GNB4: variants seen among roughly 807,000 people sequenced by gnomAD.
GNB4 encodes guanine nucleotide-binding protein subunit beta-4.
GNB4 carries 28 observed loss-of-function variants against 45.2 expected under a neutral mutation model. That is an observed-to-expected ratio of 0.62 (90% confidence interval 0.46 to 0.85). GNB4 has a LOEUF of 0.85. Ranked by LOEUF, GNB4 falls within the 40% of genes least tolerant of loss-of-function variation. The pLI is 0.00. For missense variants in GNB4, 321 were observed against 425.4 expected, an observed-to-expected ratio of 0.75 and a Z score of 2.16; for synonymous variants, 132 against 143.7, an observed-to-expected ratio of 0.92 and a Z score of 0.58.
intron 1 of GNB4, among the ~76,000 whole-genome samples, chr3:179,428,444 G>A (rs1034624402): frequency 1.3e-5 from 2 of 152,088 alleles, no homozygotes; most frequent in African/African-American, 4.8e-5. Flanking sequence ...AGCAGCATGC[G>A]GGCTCTTTAA....
intron 2 of GNB4, among the ~76,000 whole-genome samples, chr3:179,422,490 A>AC (rs200181061): frequency 1.4e-3 from 208 of 151,884 alleles, no homozygotes; most frequent in African/African-American, 4.5e-3. Flanking sequence ...ACAAAACAAA[A>AC]AAAAGAACAG....
chr3:179,494,439 G>A, the GNB4 span, among the ~76,000 whole-genome samples: 1 of 152,034 alleles, frequency 6.6e-6, no homozygotes, highest in African/African-American at 2.4e-5. Flanking sequence ...TCAGGAGTAT[G>A]GGGTGGGAGG....
chr3:179,452,171 A>C (rs139983745), upstream of GNB4, among the ~76,000 whole-genome samples: 927 of 151,532 alleles, frequency 6.1e-3, 10 homozygotes, highest in African/African-American at 0.021. Flanking sequence ...ATCCCTGCCA[A>C]GTCGCTCTTC....
the GNB4 span, among the ~76,000 whole-genome samples, chr3:179,488,766 T>C: frequency 6.6e-6 from 1 of 151,618 alleles, no homozygotes; most frequent in Non-Finnish European, 1.5e-5. Flanking sequence ...CCAGATCGCT[T>C]GAGCTCAGGA....
chr3:179,473,441 T>G, the GNB4 span, among the ~76,000 whole-genome samples: 2 of 152,066 alleles, frequency 1.3e-5, no homozygotes, highest in Non-Finnish European at 2.9e-5. Flanking sequence ...TATTTTTATT[T>G]AATTTTTTTT....
At chr3:179,405,723 ATG>A (rs71836194) in intron 8 of GNB4, 145 of 182,820 alleles carry the variant, frequency 7.9e-4, no homozygotes, top group East Asian at 1.5e-3. Flanking sequence ...TAGAATATAT[ATG>A]TGTGTGTGTG....
intron 1 of GNB4, among the ~76,000 whole-genome samples, chr3:179,436,350 AT>A (rs1715449157): frequency 6.6e-6 from 1 of 152,214 alleles, no homozygotes; most frequent in South Asian, 2.1e-4. Context: ...AGATCATGCC[AT>A]TGCACTCCCG....
the GNB4 span, among the ~76,000 whole-genome samples, chr3:179,509,135 A>G: frequency 6.7e-6 from 1 of 150,170 alleles, no homozygotes; most frequent in African/African-American, 2.5e-5. Flanking sequence ...CCTTGGAGAA[A>G]TGGAGGATTC....
the GNB4 span, among the ~76,000 whole-genome samples, chr3:179,495,234 G>T: frequency 6.6e-6 from 1 of 152,122 alleles, no homozygotes; most frequent in African/African-American, 2.4e-5. Flanking sequence ...AGGAAAAAAA[G>T]AGAGGCTGAG....
chr3:179,401,392 A>AGCATCAGTTTCC, intron 9 of GNB4, 73 bp from the exon 10 acceptor site: 1 of 792,816 alleles, frequency 1.3e-6, no homozygotes, highest in Admixed American at 2.6e-5. Context: ...CAGAGATTTA[A>AGCATCAGTTTCC]AAGGGTGCTT....
the GNB4 span, among the ~76,000 whole-genome samples, chr3:179,489,926 C>T: frequency 6.6e-6 from 1 of 152,158 alleles, no homozygotes; most frequent in South Asian, 2.1e-4. Context: ...TATAATGTAT[C>T]AAGATACATC....
At position 179,431,484 on chromosome 3, in the gene GNB4, A is replaced by C. The variant is rs537347698; in HGVS notation, c.-42-5242T>G. Among the ~76,000 whole-genome samples, 40 of 150,794 alleles carry C rather than the reference A, an allele frequency of 2.7e-4. 1 individual carries two copies. The highest frequency in any genetic ancestry group is 8.5e-4 in the African/African-American group (35 of 41,092). ...TGAGGCAGGAGAATCGCTTGAACCC[A>C]GGATGCAGAGGCTGCAGTGAGCTGA... is the stretch of plus-strand genomic sequence containing the variant. On this transcript the variant is annotated intron_variant, in intron 1 of 9. Coordinates refer to ENST00000232564, the MANE Select transcript of GNB4 (RefSeq NM_021629.4).
chr3:179,404,401 G>C (rs77729724), intron 9 of GNB4, among the ~76,000 whole-genome samples: 1 of 151,982 alleles, frequency 6.6e-6, no homozygotes, highest in Non-Finnish European at 1.5e-5. Context: ...AGCAATACAG[G>C]CATGTTATTT....
the GNB4 span, among the ~76,000 whole-genome samples, chr3:179,479,608 C>A: frequency 2.0e-5 from 3 of 152,178 alleles, no homozygotes; most frequent in Admixed American, 6.5e-5. Context: ...TACACACACA[C>A]ACAGTCATTT....
the GNB4 span, among the ~76,000 whole-genome samples, chr3:179,497,640 C>T: frequency 6.6e-6 from 1 of 151,808 alleles, no homozygotes; most frequent in African/African-American, 2.4e-5. Flanking sequence ...ATAAGGAACT[C>T]ATACATAACT....
At chr3:179,520,476 T>C in the GNB4 span, among the ~76,000 whole-genome samples, 1 of 152,124 alleles carries the variant, frequency 6.6e-6, no homozygotes, top group African/African-American at 2.4e-5. Flanking sequence ...TTGACCTTAC[T>C]GTTTTAGCCT....
the GNB4 span, chr3:179,464,969 A>C: frequency 1.3e-6 from 2 of 1,546,438 alleles, no homozygotes; most frequent in Non-Finnish European, 8.9e-7. Flanking sequence ...TGAAATGCCC[A>C]TTGCAATGTT....
chr3:179,517,603 G>A, the GNB4 span, among the ~76,000 whole-genome samples: 2 of 152,072 alleles, frequency 1.3e-5, no homozygotes, highest in Non-Finnish European at 2.9e-5. Flanking sequence ...ACCAGCCCAA[G>A]GAACATCTCA....
rs560700185 is a variant in GNB4 at position 179,420,769 on chromosome 3, C to T, written c.96+120G>A. 7.1e-6 allele frequency: 5 copies of T among 703,814 alleles called. No homozygotes were observed. The African/African-American group carries it at 7.2e-5, about 10-fold the overall frequency. 43.6% of individuals were successfully genotyped at this position (703,814 alleles called of 1,614,324 possible). On this transcript the variant is annotated intron_variant, in intron 3 of 9. Transcript: ENST00000232564. Reference sequence around the variant, plus strand: ...TGACAAATTACGAAGTGCTTTTACACAGAGATTTCATTTAACTTTTTTCAA... The same window carrying T: ...TGACAAATTACGAAGTGCTTTTACATAGAGATTTCATTTAACTTTTTTCAA...
Sources: gnomAD v4.1 joint callset for allele counts (sites outside exome capture counted in the v4.1 genomes callset) on GRCh38, gnomAD v4.1.1 for gene constraint, MANE v1.5 for transcripts, NCBI Gene and HGNC (gene_info 2026-07-23, HGNC 2026-07-21) for gene names.